FGF13: variants seen among roughly 807,000 people sequenced by gnomAD.
FGF13 encodes the protein fibroblast growth factor 13.
FGF13 carries 2 observed loss-of-function variants against 19.5 expected under a neutral mutation model. The ratio of observed to expected loss-of-function variants is 0.10; its 90% CI spans 0.04 to 0.32. The LOEUF (loss-of-function observed/expected upper bound fraction) is 0.32. FGF13 is among the 10% of genes least tolerant of loss of function. The pLI is 1.00. For synonymous variants in FGF13, 72 were observed against 76.9 expected, an observed-to-expected ratio of 0.94 and a Z score of 0.33; for missense variants, 113 against 192.7, an observed-to-expected ratio of 0.59 and a Z score of 2.45.
At chrX:138,888,046 G>C (rs143660944) in intron 1 of FGF13, among the ~76,000 whole-genome samples, 379 of 112,165 alleles carry the variant, frequency 3.4e-3, no homozygotes, top group African/African-American at 0.011. Flanking sequence ...CATTTGTATG[G>C]TTGTTTCATT....
intron 1 of FGF13, among the ~76,000 whole-genome samples, chrX:139,046,648 C>T (rs1047097951): frequency 4.5e-5 from 5 of 111,314 alleles, no homozygotes; most frequent in Non-Finnish European, 7.5e-5. Context: ...AATTCTTCTG[C>T]TGGATTTATT....
Position 139,169,814 on chromosome X carries a change from C to T in FGF13, c.-113+33602G>A, listed in dbSNP as rs192009432. Among the ~76,000 whole-genome samples the T allele has an allele frequency of 8.7e-4, 97 of 111,866 alleles. 1 individual carries two copies. Among genetic ancestry groups the T allele is most frequent in the Admixed American group, 2.0e-3 (21 of 10,561 alleles). On this transcript the variant is annotated intron_variant, in intron 1 of 2. Transcript: ENST00000421460. The stretch of plus-strand genomic sequence containing the variant: ...ATCAAGTTCATTGTCCCTAGATAAG[C>T]CTGCCTTTTTCGGTGCCCAACCATG...
intron 1 of FGF13, among the ~76,000 whole-genome samples, chrX:138,946,675 AT>A (rs1448511012): frequency 1.8e-5 from 2 of 112,118 alleles, no homozygotes; most frequent in Non-Finnish European, 3.8e-5. Flanking sequence ...AAGCATTGCT[AT>A]TATCAACACC....
chrX:139,141,132 C>CACA (rs1427816432), intron 1 of FGF13, among the ~76,000 whole-genome samples: 3 of 108,474 alleles, frequency 2.8e-5, no homozygotes, highest in African/African-American at 1.0e-4. Context: ...CACACACACA[C>CACA]AATTGGCACC....
intron 1 of FGF13, among the ~76,000 whole-genome samples, chrX:138,727,315 GC>G (rs1010012141): frequency 2.7e-5 from 3 of 109,836 alleles, no homozygotes; most frequent in African/African-American, 6.6e-5. Context: ...CTTCATTGAA[GC>G]CCCCCCTGCT....
At chrX:138,952,714 C>A (rs1418510747) in intron 1 of FGF13, among the ~76,000 whole-genome samples, 3 of 111,668 alleles carry the variant, frequency 2.7e-5, no homozygotes, top group Non-Finnish European at 5.6e-5. Context: ...CTACATTGAA[C>A]ATAAACAAAT....
intron 1 of FGF13, among the ~76,000 whole-genome samples, chrX:139,129,312 T>C (rs757218715): frequency 9.0e-6 from 1 of 110,725 alleles, no homozygotes; most frequent in East Asian, 2.9e-4. Flanking sequence ...TAAATCTGAA[T>C]CACCAGGGTC....
At chrX:138,819,981 C>G (rs1250180287) in intron 3 of FGF13, among the ~76,000 whole-genome samples, 1 of 111,305 alleles carries the variant, frequency 9.0e-6, no homozygotes, top group Non-Finnish European at 1.9e-5. Flanking sequence ...CTTGAGTTCA[C>G]AGCTTCCATT....
At chrX:138,955,970 G>GC (rs2091839316) in intron 1 of FGF13, among the ~76,000 whole-genome samples, 1 of 111,800 alleles carries the variant, frequency 8.9e-6, no homozygotes, top group Admixed American at 9.6e-5. Context: ...GGCTTGGCTC[G>GC]CCCATAGTCA....
At chrX:138,875,231 CA>C (rs748124343) in intron 1 of FGF13, among the ~76,000 whole-genome samples, 98 of 39,824 alleles carry the variant, frequency 2.5e-3, no homozygotes, top group Middle Eastern at 0.027. Flanking sequence ...GACTCTGTCT[CA>C]AAAAAAAAAA....
At chrX:138,818,398 C>CCCAAAT (rs2090975555) in intron 3 of FGF13, among the ~76,000 whole-genome samples, 1 of 108,665 alleles carries the variant, frequency 9.2e-6, no homozygotes, top group African/African-American at 3.4e-5. Flanking sequence ...CTTATTTGAG[C>CCCAAAT]CCAAATCTAT....
At chrX:138,890,728 A>G (rs999034696) in intron 1 of FGF13, among the ~76,000 whole-genome samples, 2 of 111,789 alleles carry the variant, frequency 1.8e-5, no homozygotes, top group African/African-American at 6.5e-5. Context: ...AAACTAAGAT[A>G]CACTATGCTA....
chrX:138,992,201 G>A (rs1221049597), intron 1 of FGF13, among the ~76,000 whole-genome samples: 5 of 110,399 alleles, frequency 4.5e-5, no homozygotes, highest in African/African-American at 9.9e-5. Flanking sequence ...TCATTTAGCT[G>A]TCGATTTAGG....
intron 3 of FGF13, among the ~76,000 whole-genome samples, chrX:138,763,201 C>A (rs2090479550): frequency 9.1e-6 from 1 of 110,016 alleles, no homozygotes; most frequent in African/African-American, 3.3e-5. Flanking sequence ...GTGAGTTAAG[C>A]AAAGGGATCC....
intron 1 of FGF13, among the ~76,000 whole-genome samples, chrX:138,938,832 A>G (rs1322948400): frequency 8.9e-6 from 1 of 111,754 alleles, no homozygotes; most frequent in African/African-American, 3.3e-5. Flanking sequence ...AAACTGTCTA[A>G]TTACAAACTA....
rs756964145 is a variant in FGF13, at chrX:138,622,702, A to G, written c.*10148T>C. ...ACATGCTCTTCAATACAGAAACCCAATGACTCCAACAGAAAAATGTTAGAA... is the reference window on the plus strand; with the variant it reads ...ACATGCTCTTCAATACAGAAACCCAGTGACTCCAACAGAAAAATGTTAGAA... On this transcript the variant is annotated 3_prime_UTR_variant, in exon 5 of 5. Coordinates refer to ENST00000315930, the MANE Select transcript of FGF13 (RefSeq NM_004114.5). The G allele has an allele frequency of 1.8e-4, 20 of 112,410 alleles. No homozygotes were observed. Among genetic ancestry groups the G allele is most frequent in the Non-Finnish European group, 3.0e-4 (16 of 53,220 alleles). 9.3% of individuals were successfully genotyped at this position (112,410 alleles called of 1,213,427 possible). A position where few individuals can be genotyped will look rare whatever the true frequency, so the allele number is the denominator to read the frequency against.
At chrX:139,190,544 T>G (rs1186914864) in intron 1 of FGF13, among the ~76,000 whole-genome samples, 1 of 111,824 alleles carries the variant, frequency 8.9e-6, no homozygotes, top group Non-Finnish European at 1.9e-5. Flanking sequence ...GGGCAAGTCA[T>G]TGCCTCTCTG....
At chrX:138,949,765 T>C (rs750853175) in intron 1 of FGF13, among the ~76,000 whole-genome samples, 39 of 111,352 alleles carry the variant, frequency 3.5e-4, no homozygotes, top group African/African-American at 1.3e-3. Context: ...ATTTGAAAAA[T>C]AGTAAATGGT....
intron 3 of FGF13, among the ~76,000 whole-genome samples, chrX:138,820,419 C>A (rs1218597841): frequency 1.8e-5 from 2 of 112,070 alleles, no homozygotes; most frequent in Non-Finnish European, 3.8e-5. Context: ...GGTAGCCAAA[C>A]TTTTTCTGCA....
Sources: gnomAD v4.1 joint callset for allele counts (sites outside exome capture counted in the v4.1 genomes callset) on GRCh38, gnomAD v4.1.1 for gene constraint, MANE v1.5 for transcripts, NCBI Gene and HGNC (gene_info 2026-07-23, HGNC 2026-07-21) for gene names.